Variants in METTL8 observed in about 807,000 individuals in gnomAD.
METTL8 encodes methyltransferase 8, tRNA N3-cytidine.
In METTL8, 32 loss-of-function variants were observed where a neutral mutation model predicts 48.7. That is an observed-to-expected ratio of 0.66 (90% confidence interval 0.50 to 0.88). METTL8 has a LOEUF of 0.88. Ranked by LOEUF, METTL8 falls within the 40% of genes least tolerant of loss-of-function variation. The pLI is 0.00. For missense variants in METTL8, 464 were observed against 474.4 expected, an observed-to-expected ratio of 0.98 and a Z score of 0.20; for synonymous variants, 136 against 157.1, an observed-to-expected ratio of 0.87 and a Z score of 1.01.
rs918124813 is a variant in METTL8, at chr2:171,319,999, C to T, written c.*4173G>A. 1.3e-5 allele frequency: 2 copies of T among 152,020 alleles called. No individual in the cohort carries two copies. The highest frequency in any genetic ancestry group is 2.9e-5 in the Non-Finnish European group (2 of 68,010). 9.4% of individuals were successfully genotyped at this position (152,020 alleles called of 1,614,324 possible). ...ACTCTGCCTAACCAACTGGTCCTAGCTTTATGGATGTGAGGGGTAAATTAG... is the reference window on the plus strand; with the variant it reads ...ACTCTGCCTAACCAACTGGTCCTAGTTTTATGGATGTGAGGGGTAAATTAG... On this transcript the variant is annotated 3_prime_UTR_variant, in exon 10 of 10. Coordinates refer to ENST00000375258, the MANE Select transcript of METTL8 (RefSeq NM_001321154.2).
rs1458711444 is a variant in METTL8 at position 171,317,293 on chromosome 2, G to C, written c.*6879C>G. On this transcript the variant is annotated 3_prime_UTR_variant, in exon 10 of 10. Coordinates refer to ENST00000375258, the MANE Select transcript of METTL8 (RefSeq NM_001321154.2). ...TTTCTGCGTTTTCTGCAATGAACTAGGAGCAATGGATTGAAAATATTTGGC... is the reference window on the plus strand; with the variant it reads ...TTTCTGCGTTTTCTGCAATGAACTACGAGCAATGGATTGAAAATATTTGGC... 6.6e-6 allele frequency: 1 copy of C among 152,202 alleles called. No individual in the cohort carries two copies. The highest frequency in any genetic ancestry group is 1.5e-5 in the Non-Finnish European group (1 of 68,042). 9.4% of individuals were successfully genotyped at this position (152,202 alleles called of 1,614,324 possible).
At chr2:171,369,726 G>C (rs1158083502) in intron 2 of METTL8, among the ~76,000 whole-genome samples, 1 of 152,094 alleles carries the variant, frequency 6.6e-6, no homozygotes, top group Non-Finnish European at 1.5e-5. Flanking sequence ...AGAATGCAAA[G>C]ATGTATGGCT....
At chr2:171,432,128 G>C (rs915209418) in intron 1 of METTL8, among the ~76,000 whole-genome samples, 2 of 152,206 alleles carry the variant, frequency 1.3e-5, no homozygotes, top group Admixed American at 1.3e-4. Flanking sequence ...GAGTGGCCCA[G>C]TGGGCCAGTT....
chr2:171,394,831 T>C (rs1228198237), intron 1 of METTL8, among the ~76,000 whole-genome samples: 1 of 152,228 alleles, frequency 6.6e-6, no homozygotes, highest in Non-Finnish European at 1.5e-5. Context: ...ATGGTATTTG[T>C]CTGACATAAA....
chr2:171,347,165 G>C (rs1683354332), intron 3 of METTL8, among the ~76,000 whole-genome samples: 1 of 152,186 alleles, frequency 6.6e-6, no homozygotes, highest in Non-Finnish European at 1.5e-5. Flanking sequence ...TTTTGAAATG[G>C]AATTTTTTGT....
At chr2:171,329,792 A>G (rs1685331302) in intron 7 of METTL8, among the ~76,000 whole-genome samples, 1 of 152,226 alleles carries the variant, frequency 6.6e-6, no homozygotes. Flanking sequence ...AAAGTGGTTG[A>G]CGCCAAGTCT....
chr2:171,389,656 C>T (rs1006796843), intron 2 of METTL8, among the ~76,000 whole-genome samples: 1 of 151,734 alleles, frequency 6.6e-6, no homozygotes, highest in African/African-American at 2.4e-5. Flanking sequence ...TCCCATAAGC[C>T]AAAGCCTAAT....
chr2:171,340,938 G>A (rs1053340993), intron 3 of METTL8, among the ~76,000 whole-genome samples: 1 of 152,142 alleles, frequency 6.6e-6, no homozygotes, highest in Non-Finnish European at 1.5e-5. Context: ...AAACAAATAT[G>A]CATTTTATGA....
chr2:171,384,427 T>C (rs1039632599), intron 2 of METTL8, among the ~76,000 whole-genome samples: 6 of 152,192 alleles, frequency 3.9e-5, no homozygotes, highest in South Asian at 2.1e-4. Flanking sequence ...GGAGGATCAC[T>C]TGAGCCCAGG....
chr2:171,383,111 CAT>C (rs1410012976), intron 2 of METTL8, among the ~76,000 whole-genome samples: 3 of 152,038 alleles, frequency 2.0e-5, no homozygotes, highest in African/African-American at 7.2e-5. Flanking sequence ...AAAAAACACA[CAT>C]GTGTACTGAA....
intron 7 of METTL8, among the ~76,000 whole-genome samples, chr2:171,329,385 G>A (rs1043503398): frequency 2.6e-5 from 4 of 152,182 alleles, no homozygotes; most frequent in Non-Finnish European, 5.9e-5. Flanking sequence ...GTAGAATTTA[G>A]ATGTTTCTTG....
At chr2:171,329,741 T>A (rs1231000289) in intron 7 of METTL8, among the ~76,000 whole-genome samples, 1 of 152,246 alleles carries the variant, frequency 6.6e-6, no homozygotes, top group Non-Finnish European at 1.5e-5. Flanking sequence ...AAGCACATGG[T>A]AACTCAGTTT....
chr2:171,324,166 C>T lies in METTL8; in HGVS notation c.*6G>A. ...TCTGGCTTTGTACCTTAACATGTTA[C>T]AAAGTTCAGTCTTGTGAAAGGAGTG... is the stretch of plus-strand genomic sequence containing the variant. On this transcript the variant is annotated 3_prime_UTR_variant, in exon 10 of 10. Coordinates refer to ENST00000375258, the MANE Select transcript of METTL8 (RefSeq NM_001321154.2). 1.3e-6 allele frequency: 2 copies of T among 1,541,386 alleles called. No individual in the cohort carries two copies. Among genetic ancestry groups the T allele is most frequent in the Non-Finnish European group, 1.8e-6 (2 of 1,140,678 alleles).
At chr2:171,385,790 C>T (rs1460773864) in intron 2 of METTL8, among the ~76,000 whole-genome samples, 1 of 152,200 alleles carries the variant, frequency 6.6e-6, no homozygotes, top group African/African-American at 2.4e-5. Flanking sequence ...GCTGTTGATG[C>T]TCCAGGCCTC....
chr2:171,328,969 G>A (rs762096318), intron 7 of METTL8, among the ~76,000 whole-genome samples: 4 of 151,170 alleles, frequency 2.6e-5, no homozygotes, highest in Non-Finnish European at 5.9e-5. Context: ...GATTATAGGC[G>A]TGAGCCACAG....
chr2:171,372,817 CT>C lies in METTL8; in HGVS notation c.144-12305del, dbSNP rs1293893392. 3.3e-5 allele frequency among the ~76,000 whole-genome samples: 5 copies of C among 152,222 alleles called. No homozygotes were observed. In the East Asian group the frequency reaches 7.7e-4, roughly 23 times the overall value. ...GTCCCTACAAAGGACATGAACTCAT[CT>C]TTTTTTATGGCTGCATAGTATTCCA... On this transcript the variant is annotated intron_variant, in intron 2 of 9. Transcript: ENST00000375258.
intron 1 of METTL8, among the ~76,000 whole-genome samples, chr2:171,430,605 G>C (rs1200245716): frequency 6.6e-6 from 1 of 152,162 alleles, no homozygotes; most frequent in Non-Finnish European, 1.5e-5. Context: ...CAACAGGCAA[G>C]TGACAGCTTG....
In METTL8 at chr2:171,392,064, T is replaced by G; in HGVS notation, c.122A>C (p.Lys41Thr). 1 of 1,551,518 alleles carries G rather than the reference T, an allele frequency of 6.4e-7. No individual in the cohort carries two copies. Among genetic ancestry groups the G allele is most frequent in the East Asian group, 2.4e-5 (1 of 40,922 alleles). Residue 41 changes from lysine to threonine, a missense_variant, in exon 2 of 10, where the codon AAA (lysine) becomes ACA (threonine). Physicochemically the swap from Lys to Thr is moderately conservative, Grantham distance 78 (BLOSUM62 -1). Transcript: ENST00000375258. Reference sequence around the variant, plus strand: ...TCACCACATGTTGTGTTCAAAAACTTTGGCTGGGTCAGTTAAAATCCTTGA... The same window carrying G: ...TCACCACATGTTGTGTTCAAAAACTGTGGCTGGGTCAGTTAAAATCCTTGA... ...LGSRILTDPA[K>T]VFEHNMWDHM...
chr2:171,432,182 G>A (rs1407887032), intron 1 of METTL8, among the ~76,000 whole-genome samples: 1 of 152,176 alleles, frequency 6.6e-6, no homozygotes, highest in Non-Finnish European at 1.5e-5. Flanking sequence ...AGCAAGGCCT[G>A]GGTAGGTCTC....
Sources: allele counts gnomAD v4.1 joint callset (sites outside exome capture counted in the v4.1 genomes callset), GRCh38; gene constraint gnomAD v4.1.1; transcripts MANE v1.5; gene names NCBI Gene and HGNC (gene_info 2026-07-23, HGNC 2026-07-21).